The following ALDH7A1 variants were observed in gnomAD, a reference collection of about 807,000 sequenced individuals.
ALDH7A1 encodes aldehyde dehydrogenase 7 family member A1, also known as alpha-aminoadipic semialdehyde dehydrogenase.
ALDH7A1 carries 63 observed loss-of-function variants against 79.9 expected under a neutral mutation model. The ratio of observed to expected loss-of-function variants is 0.79; its 90% confidence interval spans 0.64 to 0.97. The LOEUF is 0.97. Among genes scored for constraint, ALDH7A1 ranks in the 50% least tolerant of loss-of-function variants. The pLI is 0.00. For missense variants in ALDH7A1, 627 were observed against 665.2 expected (o/e 0.94, Z 0.63); for synonymous variants, 240 against 231.2 (o/e 1.04, Z -0.34).
intron 9 of ALDH7A1, among the ~76,000 whole-genome samples, chr5:126,566,080 T>C (rs1418330877): frequency 1.3e-5 from 2 of 152,266 alleles, no homozygotes; most frequent in Non-Finnish European, 2.9e-5. Flanking sequence ...TGCATTGTCA[T>C]GTGAATTTTA....
At chr5:126,562,841 C>G (rs1750448978) in intron 9 of ALDH7A1, among the ~76,000 whole-genome samples, 1 of 152,024 alleles carries the variant, frequency 6.6e-6, no homozygotes, top group Non-Finnish European at 1.5e-5. Context: ...AGCGAGACTC[C>G]ATGGTTGTAC....
intron 3 of ALDH7A1, among the ~76,000 whole-genome samples, chr5:126,589,634 C>T (rs1751473727): frequency 6.6e-6 from 1 of 152,116 alleles, no homozygotes; most frequent in Admixed American, 6.5e-5. Flanking sequence ...CAAAAATTAG[C>T]CAGGCCTGCC....
intron 3 of ALDH7A1, among the ~76,000 whole-genome samples, chr5:126,591,374 G>C (rs943192872): frequency 6.6e-6 from 1 of 151,758 alleles, no homozygotes; most frequent in African/African-American, 2.4e-5. Context: ...ACACAAAGAC[G>C]TATCTTGGCT....
intron 3 of ALDH7A1, among the ~76,000 whole-genome samples, chr5:126,585,708 C>T (rs1362938591): frequency 2.0e-5 from 3 of 152,064 alleles, no homozygotes; most frequent in African/African-American, 7.2e-5. Flanking sequence ...ATTACAGGCG[C>T]CTGCCACCAC....
chr5:126,544,901 T>C lies in ALDH7A1; in HGVS notation c.*64A>G, dbSNP rs1749734352. Reference sequence around the variant, plus strand: ...TTATTCAGGGAAAACTTTAATTTTCTTTGTCTTCTCCAAAAACAGCTGCTG... The same window carrying C: ...TTATTCAGGGAAAACTTTAATTTTCCTTGTCTTCTCCAAAAACAGCTGCTG... On this transcript the variant is annotated 3_prime_UTR_variant, in exon 18 of 18. Transcript: ENST00000409134. The C allele has an allele frequency of 1.1e-5, 15 of 1,405,138 alleles. No homozygotes were observed. The highest frequency in any genetic ancestry group is 2.3e-5 in the East Asian group (1 of 43,736). The allele number at this position is 1,405,138 out of a possible 1,614,324, so 87.0% of individuals were successfully genotyped here. A position where few individuals can be genotyped will look rare whatever the true frequency, so the allele number is the denominator to read the frequency against.
chr5:126,585,873 C>T (rs571462080), intron 3 of ALDH7A1, among the ~76,000 whole-genome samples: 10 of 152,286 alleles, frequency 6.6e-5, no homozygotes, highest in African/African-American at 2.4e-4. Context: ...CTAAGCAGCT[C>T]TGCTTACAGA....
chr5:126,552,421 C>T (rs1481109205), intron 13 of ALDH7A1, among the ~76,000 whole-genome samples: 7 of 152,128 alleles, frequency 4.6e-5, no homozygotes, highest in Non-Finnish European at 1.0e-4. Context: ...CTGCTGCAAG[C>T]GGTTATTTTC....
chr5:126,553,035 C>T (rs1750059645), intron 13 of ALDH7A1, among the ~76,000 whole-genome samples: 1 of 152,178 alleles, frequency 6.6e-6, no homozygotes, highest in African/African-American at 2.4e-5. Flanking sequence ...AGCCACTGCA[C>T]CTGGCAATAT....
chr5:126,588,354 C>T (rs1490384462), intron 3 of ALDH7A1: 1 of 152,124 alleles, frequency 6.6e-6, no homozygotes, highest in East Asian at 1.9e-4. Context: ...TGGCTCATGC[C>T]TGTAGTCCCG....
intron 14 of ALDH7A1, among the ~76,000 whole-genome samples, chr5:126,551,232 C>T (rs1269941134): frequency 6.6e-6 from 1 of 152,054 alleles, no homozygotes; most frequent in Non-Finnish European, 1.5e-5. Flanking sequence ...CTATTAAAAC[C>T]TTTACAGTTT....
At chr5:126,594,802 G>A (rs184584871) in intron 1 of ALDH7A1, among the ~76,000 whole-genome samples, 10 of 152,134 alleles carry the variant, frequency 6.6e-5, no homozygotes, top group Non-Finnish European at 1.2e-4. Context: ...CCAAAATGAC[G>A]TCGATTCTGC....
intron 9 of ALDH7A1, among the ~76,000 whole-genome samples, chr5:126,565,394 CAAAAAAAAAAAAAAAA>C (rs1162552475): frequency 3.2e-5 from 2 of 63,328 alleles, no homozygotes; most frequent in Non-Finnish European, 5.4e-5. Context: ...GATTCCATCT[CAAAAAAAAAAAAAAAA>C]AAAAAAAAAA....
chr5:126,573,696 C>CA (rs1313411292), intron 7 of ALDH7A1, among the ~76,000 whole-genome samples: 222 of 105,794 alleles, frequency 2.1e-3, no homozygotes, highest in African/African-American at 3.0e-3. Flanking sequence ...GACTCAGTCT[C>CA]AAAAAAAAAA....
chr5:126,574,417 C>T (rs991984889), intron 7 of ALDH7A1, among the ~76,000 whole-genome samples: 5 of 145,824 alleles, frequency 3.4e-5, no homozygotes, highest in African/African-American at 7.7e-5. Flanking sequence ...TAATAATAGC[C>T]GGGCGTGGTG....
intron 5 of ALDH7A1, 61 bp downstream of exon 5, chr5:126,582,784 ATTTTAT>A (rs1751220124): frequency 6.3e-7 from 1 of 1,585,422 alleles, no homozygotes; most frequent in African/African-American, 1.3e-5. Flanking sequence ...TAGCCAGAGT[ATTTTAT>A]TTTTTTTGGA....
chr5:126,593,462 G>C (rs777091165), intron 1 of ALDH7A1, 58 bp from the exon 2 acceptor site: 1 of 1,608,094 alleles, frequency 6.2e-7, no homozygotes, highest in Non-Finnish European at 8.5e-7. Context: ...TGAAGTAAGG[G>C]AATAGACCAA....
intron 11 of ALDH7A1, among the ~76,000 whole-genome samples, 159 bp downstream of exon 11, chr5:126,559,081 C>T (rs1237540563): frequency 6.6e-6 from 1 of 152,212 alleles, no homozygotes; most frequent in African/African-American, 2.4e-5. Context: ...TTAACAACAT[C>T]TGCCATGAGC....
At chr5:126,572,513 C>T in intron 7 of ALDH7A1, among the ~76,000 whole-genome samples, 1 of 152,216 alleles carries the variant, frequency 6.6e-6, no homozygotes, top group East Asian at 1.9e-4. Flanking sequence ...CTCCATGTCA[C>T]CTGATAAGTG....
intron 9 of ALDH7A1, among the ~76,000 whole-genome samples, chr5:126,567,506 CTCTG>C (rs1750625351): frequency 6.6e-6 from 1 of 151,746 alleles, no homozygotes; most frequent in Admixed American, 6.6e-5. Flanking sequence ...CGGAGTCTCA[CTCTG>C]TCACCCAGGC....
Sources: allele counts gnomAD v4.1 joint callset (sites outside exome capture counted in the v4.1 genomes callset), GRCh38; gene constraint gnomAD v4.1.1; transcripts MANE v1.5; gene names NCBI Gene and HGNC (gene_info 2026-07-23, HGNC 2026-07-21).